The following RGPD8 variants were observed in gnomAD, a reference collection of about 807,000 sequenced individuals.
RGPD8 encodes the protein RANBP2 like and GRIP domain containing 8, also known as RANBP2-like and GRIP domain-containing protein 8.
In RGPD8, 15 loss-of-function variants were observed where a neutral mutation model predicts 89.1. That is an observed-to-expected ratio of 0.17 (90% CI 0.11 to 0.26). RGPD8 has a LOEUF of 0.26. Ranked by LOEUF, RGPD8 falls within the 10% of genes least tolerant of loss-of-function variation. The probability of loss-of-function intolerance (pLI) is 1.00; values close to 1 mark genes in which losing one functional copy is unlikely to be tolerated. For missense variants in RGPD8, 178 were observed against 1,179.6 expected (o/e 0.15, Z 12.44); for synonymous variants, 62 against 420.9 (o/e 0.15, Z 10.44).
intron 1 of RGPD8, among the ~76,000 whole-genome samples, chr2:112,425,908 C>T (rs969662056): frequency 2.6e-5 from 4 of 152,118 alleles, no homozygotes; most frequent in Admixed American, 6.5e-5. Context: ...TGCCATCAAT[C>T]GAAACATGTT....
At chr2:112,387,187 T>A (rs951336640) in intron 20 of RGPD8, 3 of 35,168 alleles carry the variant, frequency 8.5e-5, no homozygotes, top group Non-Finnish European at 1.7e-4. Context: ...AAAATGAATA[T>A]GCTTTTAAAA....
intron 6 of RGPD8, among the ~76,000 whole-genome samples, chr2:112,416,088 CAAAAAAAAAAAAAAA>C (rs1168507298): frequency 1.1e-5 from 1 of 88,914 alleles, no homozygotes; most frequent in African/African-American, 4.7e-5. Context: ...GACTCCATCT[CAAAAAAAAAAAAAAA>C]AAAAAAAAGA....
chr2:112,374,432 A>G (rs1331289724), intron 22 of RGPD8, among the ~76,000 whole-genome samples: 5 of 149,202 alleles, frequency 3.4e-5, no homozygotes, highest in African/African-American at 9.7e-5. Context: ...GTTTTCCAGA[A>G]GAGATCTTGG....
intron 1 of RGPD8, chr2:112,432,617 C>A (rs1680090620): frequency 1.0e-6 from 1 of 985,344 alleles, no homozygotes. Context: ...ACGACCTCCG[C>A]CGCGGCATAT....
chr2:112,391,992 T>TA (rs1678728940), intron 18 of RGPD8, among the ~76,000 whole-genome samples: 2 of 63,742 alleles, frequency 3.1e-5, no homozygotes, highest in Admixed American at 3.5e-4. Flanking sequence ...CCAAGAATCT[T>TA]AAAGTCTTGC....
At chr2:112,370,914 C>A (rs1046282962) in intron 22 of RGPD8, among the ~76,000 whole-genome samples, 1 of 151,546 alleles carries the variant, frequency 6.6e-6, no homozygotes, top group African/African-American at 2.4e-5. Context: ...TTCCTCTATT[C>A]TGAAATACCA....
At chr2:112,413,917 T>C (rs1319624845) in intron 6 of RGPD8, among the ~76,000 whole-genome samples, 1 of 117,062 alleles carries the variant, frequency 8.5e-6, no homozygotes, top group East Asian at 2.3e-4. Flanking sequence ...TTAGCTGGGA[T>C]GGTCTCGATC....
chr2:112,370,569 C>G, intron 22 of RGPD8, among the ~76,000 whole-genome samples: 1 of 133,998 alleles, frequency 7.5e-6, no homozygotes, highest in African/African-American at 2.7e-5. Flanking sequence ...AGATGCAGGT[C>G]TCACTGTTTT....
At chr2:112,413,180 G>C (rs563184735) in intron 6 of RGPD8, among the ~76,000 whole-genome samples, 1 of 144,786 alleles carries the variant, frequency 6.9e-6, no homozygotes, top group Admixed American at 6.7e-5. Context: ...GAGTGCAATG[G>C]CACGATCTAA....
chr2:112,371,780 G>C (rs1163882598), intron 22 of RGPD8, among the ~76,000 whole-genome samples: 2 of 118,314 alleles, frequency 1.7e-5, no homozygotes, highest in Non-Finnish European at 3.4e-5. Context: ...ATTTAATTTG[G>C]TATTACCCTT....
chr2:112,429,432 A>G (rs4067428), intron 1 of RGPD8, among the ~76,000 whole-genome samples: 17 of 150,424 alleles, frequency 1.1e-4, no homozygotes, highest in East Asian at 5.8e-4. Flanking sequence ...AAAAAAAAAA[A>G]AAAAAGAAAA....
Position 112,390,245 on chromosome 2 carries a change from A to G in RGPD8, c.2700T>C (p.Gly900=), listed in dbSNP as rs762283703. 1 of 1,534,556 alleles carries G rather than the reference A, an allele frequency of 6.5e-7. No individual in the cohort carries two copies. The highest frequency in any genetic ancestry group is 8.8e-7 in the Non-Finnish European group (1 of 1,130,678). Residue 900 remains glycine (G), a splice_region_variant and synonymous_variant, in exon 20 of 23, where the codon GGT becomes GGC. Coordinates refer to ENST00000302558, the MANE Select transcript of RGPD8 (RefSeq NM_001164463.1). ...TTGACTTAAATTCTGTATTAGAAGA[A>G]CCCTGAAACATAAATGAAGGTGAAT... ...RPAANVTPTK[G]SSNTEFKSTK...
At chr2:112,417,136 A>C in intron 6 of RGPD8, 57 bp downstream of exon 6, 1 of 1,607,954 alleles carries the variant, frequency 6.2e-7, no homozygotes, top group South Asian at 1.1e-5. Flanking sequence ...CAATGAACTT[A>C]CTGCAAAAAG....
chr2:112,378,174 GTTC>G lies in RGPD8; in HGVS notation c.5139_5141del (p.Lys1713del). ...TCAAGAAAATGAACTGCAGCAAGACGTTCTTCAAGTATTCCAGGTTAGCTGCAG... is the reference window on the plus strand; with the variant it reads ...TCAAGAAAATGAACTGCAGCAAGACGTTCAAGTATTCCAGGTTAGCTGCAG... On this transcript the variant is annotated inframe_deletion, in exon 22 of 23. Transcript: ENST00000302558. 5.1e-6 allele frequency: 1 copy of G among 196,580 alleles called. No homozygotes were observed. The highest frequency in any genetic ancestry group is 8.9e-6 in the Non-Finnish European group (1 of 112,882). 12.2% of individuals were successfully genotyped at this position (196,580 alleles called of 1,614,324 possible).
At chr2:112,432,948 G>GGCC (rs1035146596) in intron 1 of RGPD8, among the ~76,000 whole-genome samples, 3 of 140,896 alleles carry the variant, frequency 2.1e-5, no homozygotes, top group African/African-American at 7.7e-5. Context: ...GACCCATCGA[G>GGCC]GCCGCCGCCG....
At chr2:112,417,362 G>C in intron 5 of RGPD8, 24 bp from the exon 6 acceptor site, 1 of 1,605,100 alleles carries the variant, frequency 6.2e-7, no homozygotes, top group Middle Eastern at 2.3e-4. Flanking sequence ...TGAATAGTAA[G>C]TTACAAAACT....
At chr2:112,426,732 C>T (rs1338144537) in intron 1 of RGPD8, among the ~76,000 whole-genome samples, 8 of 151,514 alleles carry the variant, frequency 5.3e-5, no homozygotes, top group Non-Finnish European at 7.4e-5. Flanking sequence ...AGCAAGACTC[C>T]GTCTCAAAAA....
chr2:112,432,500 C>T, intron 1 of RGPD8: 2 of 985,356 alleles, frequency 2.0e-6, no homozygotes, highest in Non-Finnish European at 1.2e-6. Flanking sequence ...GCCATCGGGC[C>T]ATTGCAAATG....
intron 6 of RGPD8, among the ~76,000 whole-genome samples, chr2:112,413,403 A>G (rs1200014837): frequency 2.2e-4 from 26 of 120,410 alleles, no homozygotes; most frequent in Admixed American, 2.0e-3. Flanking sequence ...GATTACAGGC[A>G]TGAGCCACTA....
Sources: gnomAD v4.1 joint callset for allele counts (sites outside exome capture counted in the v4.1 genomes callset) on GRCh38, gnomAD v4.1.1 for gene constraint, MANE v1.5 for transcripts, NCBI Gene and HGNC (gene_info 2026-07-23, HGNC 2026-07-21) for gene names.